SEC24C: variants seen among roughly 807,000 people sequenced by gnomAD.
SEC24C encodes the protein protein transport protein Sec24C.
Under a neutral mutation model 117.0 loss-of-function variants are expected in SEC24C, and 22 were observed. That is an observed-to-expected ratio of 0.19 (90% CI 0.13 to 0.27). SEC24C has a LOEUF of 0.27. SEC24C is among the 10% of genes least tolerant of loss of function. The probability of loss-of-function intolerance (pLI) is 1.00; values close to 1 mark genes in which losing one functional copy is unlikely to be tolerated. For synonymous variants in SEC24C, 506 were observed against 529.4 expected (o/e 0.96, Z 0.61); for missense variants, 1,155 against 1,375.1 (o/e 0.84, Z 2.53).
chr10:73,750,267 T>A (rs1003043157), intron 2 of SEC24C, among the ~76,000 whole-genome samples: 2 of 152,232 alleles, frequency 1.3e-5, no homozygotes, highest in African/African-American at 4.8e-5. Flanking sequence ...AGGCAGGTTC[T>A]ATAATGTCTA....
intron 1 of SEC24C, among the ~76,000 whole-genome samples, chr10:73,746,150 CTCCGTCTCA>C (rs1196911483): frequency 1.6e-5 from 2 of 126,224 alleles, no homozygotes. Context: ...CAGAGTGAGA[CTCCGTCTCA>C]AAAAAAAAAA....
At chr10:73,751,986 T>C (rs551441039) in intron 3 of SEC24C, 1 of 152,334 alleles carries the variant, frequency 6.6e-6, no homozygotes, top group East Asian at 1.9e-4. Flanking sequence ...CATGGCCAGT[T>C]ATGAACTGAA....
chr10:73,746,368 C>A (rs542526255), intron 1 of SEC24C, among the ~76,000 whole-genome samples: 293 of 152,264 alleles, frequency 1.9e-3, no homozygotes, highest in Non-Finnish European at 3.6e-3. Flanking sequence ...ATCAATTGTT[C>A]AGCACACTAG....
chr10:73,744,964 A>G (rs1331628377), intron 1 of SEC24C, among the ~76,000 whole-genome samples: 1 of 142,638 alleles, frequency 7.0e-6, no homozygotes, highest in African/African-American at 2.6e-5. Context: ...ATAAAGGGAG[A>G]GGACATATTT....
intron 6 of SEC24C, among the ~76,000 whole-genome samples, chr10:73,762,626 T>G (rs1288520540): frequency 2.6e-5 from 4 of 152,350 alleles, no homozygotes; most frequent in African/African-American, 9.6e-5. Flanking sequence ...AAGGGACTGC[T>G]GGTTTGGGAA....
chr10:73,766,277 T>C (rs2082882185), intron 11 of SEC24C, 67 bp downstream of exon 11: 4 of 1,582,860 alleles, frequency 2.5e-6, no homozygotes, highest in Non-Finnish European at 3.4e-6. Flanking sequence ...ACTGAAGAAA[T>C]GTAGCTTGGT....
intron 3 of SEC24C, among the ~76,000 whole-genome samples, chr10:73,757,971 C>T (rs1260940646): frequency 6.8e-6 from 1 of 146,548 alleles, no homozygotes; most frequent in East Asian, 2.0e-4. Flanking sequence ...CACGGTGGCT[C>T]ACGCCTGTAA....
In SEC24C at chr10:73,770,030, T is replaced by G; in HGVS notation, c.2862+15T>G. 1 of 1,613,224 alleles carries G rather than the reference T, an allele frequency of 6.2e-7. No individual in the cohort carries two copies. The highest frequency in any genetic ancestry group is 8.5e-7 in the Non-Finnish European group (1 of 1,179,302). On this transcript the variant is annotated intron_variant, in intron 20 of 22. Coordinates refer to ENST00000345254, the MANE Select transcript of SEC24C (RefSeq NM_198597.3). ...TCTTACCTTTGGTGCGATTGAGGGTTGGAGTATGAGATCTTGCACGGAGCA... is the reference window on the plus strand; with the variant it reads ...TCTTACCTTTGGTGCGATTGAGGGTGGGAGTATGAGATCTTGCACGGAGCA...
chr10:73,765,575 G>A lies in SEC24C; in HGVS notation c.1352G>A (p.Ser451Asn), dbSNP rs2082870161. Residue 451 changes from serine to asparagine, a missense_variant, in exon 9 of 23, where the codon AGC (serine) becomes AAC (asparagine). Around this residue, in one of 2 missense-constraint regions of SEC24C, gnomAD observed 759 missense variants for 992.3 expected, o/e 0.76. Coordinates refer to ENST00000345254, the MANE Select transcript of SEC24C (RefSeq NM_198597.3). ...GGRRFQCCFC[S>N]CINDVPPQYF... is the part of the protein sequence containing the mutation. The stretch of plus-strand genomic sequence containing the variant: ...AGGCGTTTCCAGTGCTGTTTTTGCA[G>A]CTGTATCAATGATGGTATGTTCATG... The A allele has an allele frequency of 6.2e-7, 1 of 1,613,806 alleles. No homozygotes were observed. Among genetic ancestry groups the A allele is most frequent in the African/African-American group, 1.3e-5 (1 of 75,062 alleles).
Position 73,767,901 on chromosome 10 carries a change from G to A in SEC24C, c.2075G>A (p.Cys692Tyr). The change falls in exon 15 of 23, where the codon TGC becomes TAC. Residue 692 changes from cysteine (C) to tyrosine (Y), a missense_variant. By Grantham distance (194) the Cys-to-Tyr change is radical. Around this residue, in one of 2 missense-constraint regions of SEC24C, gnomAD observed 759 missense variants for 992.3 expected, o/e 0.76. Transcript: ENST00000345254. ...GCCAAAGAGTGTGTGGCCCAAGGCT[G>A]CTGTGTAGATCTCTTTCTCTTCCCT... ...TLAKECVAQG[C>Y]CVDLFLFPNQ... The A allele has an allele frequency of 6.2e-7, 1 of 1,613,858 alleles. No individual in the cohort carries two copies. The highest frequency in any genetic ancestry group is 8.5e-7 in the Non-Finnish European group (1 of 1,179,908).
rs1410590613 is a variant in SEC24C at position 73,769,122 on chromosome 10, G to C, written c.2394G>C (p.Arg798=). ...TVTVEFKHDD[R]LNEESGALLQ... ...CTGTGGAGTTCAAGCATGACGATCG[G>C]CTCAATGAAGAGAGCGGAGCTCTCC... Residue 798 remains arginine (R), a synonymous_variant, in exon 17 of 23, where the codon CGG becomes CGC. Transcript: ENST00000345254. This position sits in a 1 kb window ranked among gnomAD's most constrained non-coding sequence, Gnocchi z 4.5. 1 of 1,614,194 alleles carries C rather than the reference G, an allele frequency of 6.2e-7. No individual in the cohort carries two copies. The highest frequency in any genetic ancestry group is 1.1e-5 in the South Asian group (1 of 91,074).
chr10:73,770,544 T>C, intron 21 of SEC24C, 73 bp downstream of exon 21: 1 of 1,544,040 alleles, frequency 6.5e-7, no homozygotes. Flanking sequence ...CCAATATAGT[T>C]AGTGTGCTAG....
chr10:73,756,188 C>T (rs1033171092), intron 3 of SEC24C, among the ~76,000 whole-genome samples: 13 of 152,116 alleles, frequency 8.5e-5, no homozygotes, highest in African/African-American at 3.1e-4. Flanking sequence ...GGTAAATTGA[C>T]TCTGGAGCTG....
At chr10:73,763,706 T>TTTTTTTAAAAAAAAAA in intron 7 of SEC24C, 105 bp downstream of exon 7, 1 of 681,258 alleles carries the variant, frequency 1.5e-6, no homozygotes, top group Non-Finnish European at 2.2e-6. Flanking sequence ...TTTTAGTTTT[T>TTTTTTTAAAAAAAAAA]AACCAGAGAC....
Position 73,769,197 on chromosome 10 carries a change from T to G in SEC24C, c.2424+45T>G, listed in dbSNP as rs1390386903. ...GCTGGGCAGGAAGTGTTTCATTCGC[T>G]TGGTATAGAAGAGGGTGAGGAATGG... On this transcript the variant is annotated intron_variant, in intron 17 of 22. Coordinates refer to ENST00000345254, the MANE Select transcript of SEC24C (RefSeq NM_198597.3). The surrounding 1 kb of genome is among the most constrained non-coding windows in gnomAD (Gnocchi z 4.5). 3.1e-6 allele frequency: 5 copies of G among 1,608,628 alleles called. No individual in the cohort carries two copies. Among genetic ancestry groups the G allele is most frequent in the Non-Finnish European group, 4.2e-6 (5 of 1,177,488 alleles).
Position 73,767,066 on chromosome 10 carries a change from G to A in SEC24C, c.1906G>A (p.Ala636Thr), listed in dbSNP as rs2082895862. 6.2e-7 allele frequency: 1 copy of A among 1,613,238 alleles called. No individual in the cohort carries two copies. The highest frequency in any genetic ancestry group is 1.7e-5 in the Admixed American group (1 of 59,958). ...GMEALKAAEC[A>T]GKLFLFHTSL... ...TCTTTTTTCCTAGGCTGCTGAGTGT[G>A]CAGGGAAGCTCTTTCTATTCCATAC... Residue 636 changes from alanine to threonine, a missense_variant, in exon 14 of 23, where the codon GCA becomes ACA. Transcript: ENST00000345254.
chr10:73,767,151 T>C lies in SEC24C; in HGVS notation c.1991T>C (p.Ile664Thr), dbSNP rs1477237866. 2 of 1,612,352 alleles carry C rather than the reference T, an allele frequency of 1.2e-6. No homozygotes were observed. The highest frequency in any genetic ancestry group is 3.3e-5 in the Admixed American group (2 of 59,990). The change falls in exon 14 of 23, where the codon ATC becomes ACC. Residue 664 changes from isoleucine to threonine, a missense_variant. This residue lies in a region of SEC24C where 759 missense variants were observed against 992.3 expected (regional missense o/e 0.76). Coordinates refer to ENST00000345254, the MANE Select transcript of SEC24C (RefSeq NM_198597.3). ...AAGAACAGAGATGACAGGAAGCTGATCAATACAGACAAGGAGAAGGTGTGG... is the reference window on the plus strand; with the variant it reads ...AAGAACAGAGATGACAGGAAGCTGACCAATACAGACAAGGAGAAGGTGTGG... ...KLKNRDDRKL[I>T]NTDKEKTLFQ...
chr10:73,750,991 A>C (rs1049675978), intron 2 of SEC24C, 117 bp from the exon 3 acceptor site: 11 of 1,099,648 alleles, frequency 1.0e-5, no homozygotes, highest in Admixed American at 2.2e-5. Context: ...TCACTGCCTA[A>C]ACTGTGGTAT....
At chr10:73,765,746 A>G in intron 9 of SEC24C, 54 bp from the exon 10 acceptor site, 1 of 1,577,846 alleles carries the variant, frequency 6.3e-7, no homozygotes, top group Middle Eastern at 1.7e-4. Context: ...CTAGGGCCAG[A>G]ATACTAAGAT....
Sources: allele counts gnomAD v4.1 joint callset (sites outside exome capture counted in the v4.1 genomes callset), GRCh38; gene constraint gnomAD v4.1.1; regional missense constraint gnomAD v4.1.1; non-coding constraint Gnocchi (gnomAD v3.1); transcripts MANE v1.5; gene names NCBI Gene and HGNC (gene_info 2026-07-23, HGNC 2026-07-21).